The following STXBP5L variants were observed in gnomAD, a reference collection of about 807,000 sequenced individuals.
STXBP5L encodes syntaxin-binding protein 5-like.
A neutral mutation model predicts 144.5 loss-of-function variants in STXBP5L; 65 were observed. The observed-to-expected ratio is 0.45, with a 90% CI of 0.37 to 0.55. The LOEUF is 0.55. Ranked by LOEUF, STXBP5L falls within the 20% of genes least tolerant of loss-of-function variation. The pLI is 0.00. For missense variants in STXBP5L, 1,298 were observed against 1,405.5 expected (o/e 0.92, Z 1.22); for synonymous variants, 505 against 469.6 (o/e 1.08, Z -0.97).
chr3:121,061,571 T>G (rs756266211), intron 5 of STXBP5L, among the ~76,000 whole-genome samples: 2 of 152,206 alleles, frequency 1.3e-5, no homozygotes, highest in Non-Finnish European at 2.9e-5. Context: ...AGTGGGGTGT[T>G]AAAGTCTCTC....
At chr3:121,157,781 A>T (rs936947782) in intron 9 of STXBP5L, 154 bp downstream of exon 9, 18 of 981,626 alleles carry the variant, frequency 1.8e-5, no homozygotes, top group Non-Finnish European at 2.4e-5. Context: ...AGATCCCAAC[A>T]TTGTACCCCA....
intron 5 of STXBP5L, among the ~76,000 whole-genome samples, chr3:121,074,590 C>T (rs533350820): frequency 6.6e-6 from 1 of 152,296 alleles, no homozygotes; most frequent in East Asian, 1.9e-4. Flanking sequence ...GACTGTCTTC[C>T]ACCCAGACCC....
intron 20 of STXBP5L, among the ~76,000 whole-genome samples, chr3:121,326,671 C>A (rs996621153): frequency 6.6e-6 from 1 of 151,950 alleles, no homozygotes; most frequent in Admixed American, 6.6e-5. Flanking sequence ...AAAAATTTGA[C>A]CTTACCCTCT....
intron 20 of STXBP5L, among the ~76,000 whole-genome samples, chr3:121,378,095 C>T (rs1336370719): frequency 1.3e-5 from 2 of 151,456 alleles, no homozygotes; most frequent in African/African-American, 4.9e-5. Flanking sequence ...CACATGTTCT[C>T]ATTCATAAGT....
chr3:121,245,171 C>T (rs2049804639), intron 14 of STXBP5L, among the ~76,000 whole-genome samples: 1 of 151,602 alleles, frequency 6.6e-6, no homozygotes, highest in Non-Finnish European at 1.5e-5. Flanking sequence ...ACATCAATAA[C>T]ATGAAGAGAT....
chr3:121,377,961 C>T (rs766687318), intron 20 of STXBP5L, among the ~76,000 whole-genome samples: 2 of 152,142 alleles, frequency 1.3e-5, no homozygotes, highest in Admixed American at 6.5e-5. Context: ...AAATGTGGCA[C>T]ATATACAGCA....
At chr3:121,282,136 C>A in intron 19 of STXBP5L, 3 of 606,474 alleles carry the variant, frequency 4.9e-6, no homozygotes, top group Non-Finnish European at 5.6e-6. Flanking sequence ...ATTTAATTAC[C>A]TAATCTTGCT....
intron 20 of STXBP5L, among the ~76,000 whole-genome samples, chr3:121,342,063 T>C (rs1457968404): frequency 6.6e-6 from 1 of 152,012 alleles, no homozygotes; most frequent in Non-Finnish European, 1.5e-5. Flanking sequence ...CTGATTATTA[T>C]ACATTGTATG....
At chr3:121,253,636 C>CT (rs940544631) in intron 15 of STXBP5L, among the ~76,000 whole-genome samples, 73 of 135,390 alleles carry the variant, frequency 5.4e-4, no homozygotes, top group South Asian at 1.4e-3. Context: ...AATATATATA[C>CT]TTTTTTTTTT....
intron 7 of STXBP5L, among the ~76,000 whole-genome samples, chr3:121,134,997 GT>G (rs376095041): frequency 0.099 from 15,066 of 152,118 alleles, 1,157 homozygotes; most frequent in Admixed American, 0.2. Flanking sequence ...TTCCACAATG[GT>G]TGAACTAGTT....
intron 3 of STXBP5L, among the ~76,000 whole-genome samples, chr3:120,981,083 G>T (rs1400669282): frequency 6.6e-6 from 1 of 152,044 alleles, no homozygotes; most frequent in Non-Finnish European, 1.5e-5. Flanking sequence ...CTGTCAGTCT[G>T]ATGGTATTTC....
intron 20 of STXBP5L, among the ~76,000 whole-genome samples, chr3:121,359,150 T>G (rs1038398931): frequency 1.3e-5 from 2 of 152,188 alleles, no homozygotes; most frequent in Admixed American, 1.3e-4. Context: ...TAAGCCATTT[T>G]AACTTAAGCG....
chr3:121,347,498 T>C (rs1005914715), intron 20 of STXBP5L, among the ~76,000 whole-genome samples: 1 of 152,170 alleles, frequency 6.6e-6, no homozygotes, highest in African/African-American at 2.4e-5. Context: ...GTGAAGAAAG[T>C]CATTTGGTAA....
chr3:121,045,044 G>T (rs1346167849), intron 4 of STXBP5L, among the ~76,000 whole-genome samples: 3 of 152,000 alleles, frequency 2.0e-5, no homozygotes, highest in Non-Finnish European at 4.4e-5. Flanking sequence ...ATTCAATTTT[G>T]TAAGACTGCA....
intron 3 of STXBP5L, among the ~76,000 whole-genome samples, chr3:121,033,962 T>C (rs1052946484): frequency 6.6e-6 from 1 of 152,124 alleles, no homozygotes. Flanking sequence ...ATGCCATTTC[T>C]ATGTTTTTAA....
chr3:121,165,963 C>G (rs1054761381), intron 9 of STXBP5L, among the ~76,000 whole-genome samples: 1 of 8,852 alleles, frequency 1.1e-4, no homozygotes, highest in Admixed American at 1.5e-3. Flanking sequence ...AAATATCGCC[C>G]CTGTTCCATT....
intron 23 of STXBP5L, among the ~76,000 whole-genome samples, chr3:121,409,408 A>G (rs1290969653): frequency 6.6e-6 from 1 of 151,958 alleles, no homozygotes; most frequent in Non-Finnish European, 1.5e-5. Context: ...GGTACAAGAA[A>G]AAAACAGTAG....
At chr3:121,012,825 C>A (rs1415540032) in intron 3 of STXBP5L, among the ~76,000 whole-genome samples, 1 of 151,738 alleles carries the variant, frequency 6.6e-6, no homozygotes, top group East Asian at 1.9e-4. Context: ...AGTTTTTCAA[C>A]CCTTATCCAC....
At chr3:121,095,200 C>G (rs9869549) in intron 5 of STXBP5L, among the ~76,000 whole-genome samples, 15,111 of 152,200 alleles carry the variant, frequency 0.099, 1,181 homozygotes, top group Admixed American at 0.2. Flanking sequence ...CCCGACCTCT[C>G]TCTCTGGCTG....
Sources: gnomAD v4.1 joint callset for allele counts (sites outside exome capture counted in the v4.1 genomes callset) on GRCh38, gnomAD v4.1.1 for gene constraint, MANE v1.5 for transcripts, NCBI Gene and HGNC (gene_info 2026-07-23, HGNC 2026-07-21) for gene names.